The following TERT variants were observed in gnomAD, a reference collection of about 807,000 sequenced individuals.
The protein encoded by TERT is telomerase reverse transcriptase, also known as telomerase catalytic subunit.
Under a neutral mutation model 104.0 loss-of-function variants are expected in TERT, and 42 were observed. The observed-to-expected ratio is 0.40, with a 90% CI of 0.32 to 0.52. TERT has a LOEUF of 0.52. TERT is among the 20% of genes least tolerant of loss of function. The pLI is 0.43. For missense variants in TERT, 1,101 were observed against 1,610.3 expected (o/e 0.68, Z 5.41); for synonymous variants, 781 against 725.6 (o/e 1.08, Z -1.23).
chr5:1,266,217 CGTGT>C, intron 10 of TERT, among the ~76,000 whole-genome samples: 1 of 152,348 alleles, frequency 6.6e-6, no homozygotes, highest in African/African-American at 2.4e-5. Context: ...GCACTCACCA[CGTGT>C]GTAACCTGGG....
chr5:1,288,917 G>C lies in TERT; in HGVS notation c.1573+4396C>G, dbSNP rs1338308897. On this transcript the variant is annotated intron_variant, in intron 2 of 15. Coordinates refer to ENST00000310581, the MANE Select transcript of TERT (RefSeq NM_198253.3). The surrounding 1 kb of genome is among the most constrained non-coding windows in gnomAD (Gnocchi z 5.3). ...CGTGTCCCCGTAGCAAAATGGAACG[G>C]AGAGGTGACCAAGAAGAGCCGAGCA... Among the ~76,000 whole-genome samples the C allele has an allele frequency of 6.6e-6, 1 of 152,194 alleles. No individual in the cohort carries two copies. Among genetic ancestry groups the C allele is most frequent in the Non-Finnish European group, 1.5e-5 (1 of 68,032 alleles).
At position 1,268,446 on chromosome 5, in the gene TERT, G is replaced by T; in HGVS notation, c.2582+74C>A. 3 of 1,152,574 alleles carry T rather than the reference G, an allele frequency of 2.6e-6. No homozygotes were observed. Among genetic ancestry groups the T allele is most frequent in the African/African-American group, 1.5e-5 (1 of 65,514 alleles). 71.4% of individuals were successfully genotyped at this position (1,152,574 alleles called of 1,614,324 possible). On this transcript the variant is annotated intron_variant, in intron 9 of 15. Transcript: ENST00000310581. This position sits in a 1 kb window ranked among gnomAD's most constrained non-coding sequence, Gnocchi z 5.5. Reference sequence around the variant, plus strand: ...AGCAGTCATGGTCTCCAGAGCACCAGGAATATTAACACTGAATGCATCAAA... The same window carrying T: ...AGCAGTCATGGTCTCCAGAGCACCATGAATATTAACACTGAATGCATCAAA...
At position 1,262,349 on chromosome 5, in the gene TERT, T is replaced by G. The variant is rs1748291804; in HGVS notation, c.2844-1749A>C. Among the ~76,000 whole-genome samples, 2 of 152,358 alleles carry G rather than the reference T, an allele frequency of 1.3e-5. No individual in the cohort carries two copies. The highest frequency in any genetic ancestry group is 1.3e-4 in the Admixed American group (2 of 15,304). ...AGATAGGGCTTCCGTTTTGTTCTATTGTTCTGTCCATCAGTTCTGACCACA... is the reference window on the plus strand; with the variant it reads ...AGATAGGGCTTCCGTTTTGTTCTATGGTTCTGTCCATCAGTTCTGACCACA... On this transcript the variant is annotated intron_variant, in intron 11 of 15. Transcript: ENST00000310581. The surrounding 1 kb of genome is among the most constrained non-coding windows in gnomAD (Gnocchi z 5.6).
chr5:1,260,389 C>T, intron 12 of TERT, 85 bp downstream of exon 12: 5 of 1,597,444 alleles, frequency 3.1e-6, no homozygotes, highest in Non-Finnish European at 4.3e-6. Context: ...ATCAGCCTTG[C>T]AGGCACGCGC....
chr5:1,261,715 T>C lies in TERT; in HGVS notation c.2844-1115A>G, dbSNP rs1748243350. Among the ~76,000 whole-genome samples the C allele has an allele frequency of 6.6e-6, 1 of 152,232 alleles. No homozygotes were observed. Among genetic ancestry groups the C allele is most frequent in the African/African-American group, 2.4e-5 (1 of 41,460 alleles). On this transcript the variant is annotated intron_variant, in intron 11 of 15. Transcript: ENST00000310581. The surrounding 1 kb of genome is among the most constrained non-coding windows in gnomAD (Gnocchi z 7.4). ...CAAGTGTGCATCAGACGTCCATTTC[T>C]TCTTTCACAGCCATCCCCAACACGA...
At chr5:1,280,984 G>A (rs1485602299) in intron 3 of TERT, among the ~76,000 whole-genome samples, 1 of 152,214 alleles carries the variant, frequency 6.6e-6, no homozygotes, top group East Asian at 1.9e-4. Flanking sequence ...CGGAGCTGGT[G>A]CCCTGACCGC....
Position 1,278,640 on chromosome 5 carries a change from C to T in TERT, c.2286+1G>A, listed in dbSNP as rs1749780301. On this transcript the variant is annotated splice_donor_variant, in intron 6 of 15. Transcript: ENST00000310581. LOFTEE classifies it high-confidence loss of function. The stretch of plus-strand genomic sequence containing the variant: ...ACACGACTATCACACGTGAACCTTA[C>T]GTGGCTCTTGAAGGCCTTGCGGACG... 1.2e-6 allele frequency: 2 copies of T among 1,614,132 alleles called. No individual in the cohort carries two copies. The highest frequency in any genetic ancestry group is 1.7e-6 in the Non-Finnish European group (2 of 1,180,050).
Position 1,293,447 on chromosome 5 carries a change from G to A in TERT, c.1439C>T (p.Ser480Phe). ...RRLVPPGLWG[S>F]RHNERRFLRN... ...GAGGAAGCGGCGTTCGTTGTGCCTG[G>A]AGCCCCAGAGGCCTGGGGGCACCAG... Residue 480 changes from serine to phenylalanine, a missense_variant, in exon 2 of 16, where the codon TCC becomes TTC. Physicochemically the swap from Ser to Phe is radical, Grantham distance 155. Coordinates refer to ENST00000310581, the MANE Select transcript of TERT (RefSeq NM_198253.3). 2 of 1,611,196 alleles carry A rather than the reference G, an allele frequency of 1.2e-6. No homozygotes were observed. The highest frequency in any genetic ancestry group is 1.7e-6 in the Non-Finnish European group (2 of 1,179,360).
intron 7 of TERT, among the ~76,000 whole-genome samples, chr5:1,271,475 G>A (rs946320888): frequency 1.3e-5 from 2 of 152,208 alleles, no homozygotes; most frequent in African/African-American, 4.8e-5. Flanking sequence ...TGGCCCGGAT[G>A]GCATATGTGA....
At position 1,258,522 on chromosome 5, in the gene TERT, GA is replaced by G. The variant is rs978640977; in HGVS notation, c.3032+75del. On this transcript the variant is annotated intron_variant, in intron 13 of 15. Transcript: ENST00000310581. ...CCCTAAAACCCAGGAGTTCCAAGGT[GA>G]AGCCCCGGGTCAGAGGTGAGCAGAG... The G allele has an allele frequency of 3.1e-5, 42 of 1,369,080 alleles. No individual in the cohort carries two copies. The Admixed American group carries it at 6.3e-4, about 21-fold the overall frequency. The allele number at this position is 1,369,080 out of a possible 1,614,324, so 84.8% of individuals were successfully genotyped here. A position where few individuals can be genotyped will look rare whatever the true frequency, so the allele number is the denominator to read the frequency against.
intron 2 of TERT, 90 bp downstream of exon 2, chr5:1,293,223 G>A: frequency 6.5e-7 from 1 of 1,529,278 alleles, no homozygotes; most frequent in Non-Finnish European, 8.9e-7. Context: ...GATGGAGACA[G>A]GAGGACCAGG....
At chr5:1,284,858 G>A (rs1238127418) in intron 2 of TERT, among the ~76,000 whole-genome samples, 4 of 136,836 alleles carry the variant, frequency 2.9e-5, no homozygotes, top group Admixed American at 7.5e-5. Context: ...CCAGCTCACC[G>A]CACGGTCTGG....
Position 1,256,154 on chromosome 5 carries a change from C to T in TERT, c.3033-743G>A, listed in dbSNP as rs755672149. The stretch of plus-strand genomic sequence containing the variant: ...GCCTCCCAAGTATTGGAACTACAGG[C>T]GCACACCACCATGCTCAGCTAATTT... On this transcript the variant is annotated intron_variant, in intron 13 of 15. Transcript: ENST00000310581. The surrounding 1 kb of genome is among the most constrained non-coding windows in gnomAD (Gnocchi z 7.0). 2.6e-5 allele frequency among the ~76,000 whole-genome samples: 4 copies of T among 152,156 alleles called. No individual in the cohort carries two copies. Among genetic ancestry groups the T allele is most frequent in the Middle Eastern group, 3.4e-3 (1 of 294 alleles).
intron 6 of TERT, 125 bp downstream of exon 6, chr5:1,278,516 C>A: frequency 1.4e-6 from 2 of 1,380,708 alleles, no homozygotes; most frequent in Admixed American, 3.4e-5. Flanking sequence ...ACACGCATAT[C>A]ACAGATGTGT....
rs1021261818 is a variant in TERT, at chr5:1,288,617, G to A, written c.1573+4696C>T. ...CACCCACCCAAGGGGGCCAAGCAGA[G>A]GGGCAGCTTGGGAGAAAACAGGACA... On this transcript the variant is annotated intron_variant, in intron 2 of 15. Coordinates refer to ENST00000310581, the MANE Select transcript of TERT (RefSeq NM_198253.3). This position sits in a 1 kb window ranked among gnomAD's most constrained non-coding sequence, Gnocchi z 5.3. 3.9e-5 allele frequency among the ~76,000 whole-genome samples: 6 copies of A among 152,204 alleles called. No individual in the cohort carries two copies. The highest frequency in any genetic ancestry group is 2.1e-4 in the South Asian group (1 of 4,826).
chr5:1,254,921 G>C (rs1362539428), intron 14 of TERT, among the ~76,000 whole-genome samples: 1 of 152,160 alleles, frequency 6.6e-6, no homozygotes, highest in Non-Finnish European at 1.5e-5. Flanking sequence ...CTTGGCCTGG[G>C]TTTGCACAAG....
At position 1,253,628 on chromosome 5, in the gene TERT, C is replaced by G; in HGVS notation, c.*100G>C. The G allele has an allele frequency of 2.0e-6, 2 of 990,998 alleles. No individual in the cohort carries two copies. The highest frequency in any genetic ancestry group is 2.0e-5 in the Admixed American group (1 of 50,202). 61.4% of individuals were successfully genotyped at this position (990,998 alleles called of 1,614,324 possible). On this transcript the variant is annotated 3_prime_UTR_variant, in exon 16 of 16. Coordinates refer to ENST00000310581, the MANE Select transcript of TERT (RefSeq NM_198253.3). ...CTCAGGCCTCAGACTCCCAGCGGTG[C>G]GGGCCTGGGTGTGGGCCGCCCCTCC...
intron 12 of TERT, 142 bp downstream of exon 12, chr5:1,260,332 T>C: frequency 7.6e-7 from 1 of 1,312,902 alleles, no homozygotes; most frequent in Non-Finnish European, 1.1e-6. Flanking sequence ...ATGTATGTGC[T>C]CACGTGTATA....
In TERT at chr5:1,286,731, A is replaced by G. The variant is rs35490698; in HGVS notation, c.1574-4107T>C. On this transcript the variant is annotated intron_variant, in intron 2 of 15. Transcript: ENST00000310581. The surrounding 1 kb of genome is among the most constrained non-coding windows in gnomAD (Gnocchi z 5.3). The stretch of plus-strand genomic sequence containing the variant: ...TATCTCTACTAAAAATACAAAAATT[A>G]GCCAGGCGTGGTGGTGGGCGCCTGT... Among the ~76,000 whole-genome samples, 290 of 152,220 alleles carry G rather than the reference A, an allele frequency of 1.9e-3. 1 individual carries two copies. Among genetic ancestry groups the G allele is most frequent in the African/African-American group, 6.7e-3 (280 of 41,528 alleles).
Sources: gnomAD v4.1 joint callset for allele counts (sites outside exome capture counted in the v4.1 genomes callset) on GRCh38, gnomAD v4.1.1 for gene constraint, Gnocchi (gnomAD v3.1) non-coding constraint, MANE v1.5 for transcripts, NCBI Gene and HGNC (gene_info 2026-07-23, HGNC 2026-07-21) for gene names.